Variants in GALM observed in about 807,000 individuals in gnomAD.
GALM encodes aldose 1-epimerase.
A neutral mutation model predicts 37.4 loss-of-function variants in GALM; 43 were observed. The observed-to-expected ratio is 1.15, with a 90% CI of 0.90 to 1.48. The LOEUF (loss-of-function observed/expected upper bound fraction) is 1.48. Ranked by LOEUF, GALM falls within the 40% of genes most tolerant of loss-of-function variation. GALM has a pLI of 0.00. For missense variants in GALM, 456 were observed against 419.1 expected, an observed-to-expected ratio of 1.09 and a Z score of -0.77; for synonymous variants, 199 against 170.6, an observed-to-expected ratio of 1.17 and a Z score of -1.30.
At chr2:38,720,045 A>T (rs117303257) in intron 4 of GALM, among the ~76,000 whole-genome samples, 1,652 of 151,692 alleles carry the variant, frequency 0.011, 39 homozygotes, top group East Asian at 0.076. Context: ...CTACTAAAAA[A>T]AATAATAATA....
chr2:38,692,245 C>A (rs1572522877), intron 4 of GALM, among the ~76,000 whole-genome samples: 1 of 152,168 alleles, frequency 6.6e-6, no homozygotes, highest in South Asian at 2.1e-4. Context: ...GTATTGTTTT[C>A]TCTTTTCTCA....
intron 4 of GALM, among the ~76,000 whole-genome samples, chr2:38,721,456 A>G (rs1334999745): frequency 6.6e-6 from 1 of 152,036 alleles, no homozygotes; most frequent in Admixed American, 6.6e-5. Context: ...CTGTCACTCT[A>G]ACATCACTCT....
At chr2:38,681,528 G>C in intron 3 of GALM, 42 bp downstream of exon 3, 4 of 1,504,818 alleles carry the variant, frequency 2.7e-6, no homozygotes, top group Non-Finnish European at 3.7e-6. Flanking sequence ...GTGCTTTGTG[G>C]AATGTCCTGG....
At chr2:38,685,774 G>C (rs1335065659) in intron 3 of GALM, among the ~76,000 whole-genome samples, 1 of 152,040 alleles carries the variant, frequency 6.6e-6, no homozygotes, top group African/African-American at 2.4e-5. Flanking sequence ...CTGGAGTGCA[G>C]TGGCGCAATC....
At chr2:38,724,263 AT>A (rs1189642541) in intron 4 of GALM, among the ~76,000 whole-genome samples, 2 of 152,166 alleles carry the variant, frequency 1.3e-5, no homozygotes, top group Non-Finnish European at 2.9e-5. Context: ...TCATCTCTAT[AT>A]TTTATTTGAC....
intron 4 of GALM, among the ~76,000 whole-genome samples, chr2:38,712,248 AG>A (rs1411617965): frequency 1.3e-5 from 2 of 152,164 alleles, no homozygotes; most frequent in Non-Finnish European, 2.9e-5. Context: ...ATCTTCACCT[AG>A]TCATACACAA....
At position 38,696,185 on chromosome 2, in the gene GALM, T is replaced by A. The variant is rs557179028; in HGVS notation, c.634+6291T>A. 1.1e-4 allele frequency among the ~76,000 whole-genome samples: 16 copies of A among 151,512 alleles called. No homozygotes were observed. The South Asian group carries it at 3.1e-3, about 30-fold the overall frequency. On this transcript the variant is annotated intron_variant, in intron 4 of 6. Coordinates refer to ENST00000272252, the MANE Select transcript of GALM (RefSeq NM_138801.3). ...CCCAGGCTGGAGTGCAATGGCGTGA[T>A]CTCAGCTCACTGCAACCTCCACCTC...
intron 1 of GALM, among the ~76,000 whole-genome samples, chr2:38,673,327 A>G (rs1026677064): frequency 9.2e-5 from 14 of 152,238 alleles, no homozygotes; most frequent in Admixed American, 8.5e-4. Context: ...TTCAGAGGAC[A>G]TCTAAGTGAA....
rs796150100 is a variant in GALM at position 38,675,518 on chromosome 2, G to GGTTTT, written c.191-394_191-393insGTTTT. Among the ~76,000 whole-genome samples the GGTTTT allele has an allele frequency of 1.0e-4, 11 of 104,974 alleles. 1 individual carries two copies. Among genetic ancestry groups the GGTTTT allele is most frequent in the African/African-American group, 5.0e-4 (11 of 22,196 alleles). The allele number at this position is 104,974 out of a possible 152,430, so 68.9% of individuals were successfully genotyped here. The stretch of plus-strand genomic sequence containing the variant: ...CATGCAACACACCTTTGGATTGAGG[G>GGTTTT]TTTTTTTGTTTTTTTTTTTTTTTTT... On this transcript the variant is annotated intron_variant, in intron 1 of 6. Coordinates refer to ENST00000272252, the MANE Select transcript of GALM (RefSeq NM_138801.3).
intron 4 of GALM, among the ~76,000 whole-genome samples, chr2:38,714,220 G>T (rs555982823): frequency 1.3e-5 from 2 of 151,752 alleles, no homozygotes; most frequent in African/African-American, 4.8e-5. Flanking sequence ...TTGCGGGGGG[G>T]TTGTTGTTTT....
At chr2:38,711,759 C>A (rs1231736794) in intron 4 of GALM, among the ~76,000 whole-genome samples, 5 of 150,124 alleles carry the variant, frequency 3.3e-5, no homozygotes, top group Admixed American at 1.3e-4. Context: ...CCATCACTAT[C>A]ACCACCATTA....
intron 4 of GALM, among the ~76,000 whole-genome samples, chr2:38,717,165 G>A (rs764121039): frequency 3.3e-5 from 5 of 151,856 alleles, no homozygotes; most frequent in Non-Finnish European, 5.9e-5. Flanking sequence ...CAGGAGAATC[G>A]TTTGAACCTG....
chr2:38,720,470 G>A (rs1666354971), intron 4 of GALM, among the ~76,000 whole-genome samples: 1 of 150,656 alleles, frequency 6.6e-6, no homozygotes, highest in South Asian at 2.1e-4. Context: ...AGGAGCCAGG[G>A]AGGAAAATTA....
chr2:38,719,468 CAA>C lies in GALM; in HGVS notation c.635-10075_635-10074del, dbSNP rs35387905. 1.0e-3 allele frequency among the ~76,000 whole-genome samples: 143 copies of C among 140,434 alleles called. 2 individuals carry two copies. The highest frequency in any genetic ancestry group is 1.6e-3 in the East Asian group (7 of 4,500). 92.1% of individuals were successfully genotyped at this position (140,434 alleles called of 152,430 possible). On this transcript the variant is annotated intron_variant, in intron 4 of 6. Transcript: ENST00000272252. ...TAGGCAACAAAATGAGACTTTGTCT[CAA>C]AAAAAAAAAAAATTAGGATCCTGGC...
At chr2:38,689,529 T>C (rs567665583) in intron 3 of GALM, among the ~76,000 whole-genome samples, 26 of 152,306 alleles carry the variant, frequency 1.7e-4, no homozygotes, top group Middle Eastern at 6.8e-3. Context: ...TAAGCCAAGG[T>C]CCAAAAGGCT....
At chr2:38,711,960 C>T (rs1666183605) in intron 4 of GALM, among the ~76,000 whole-genome samples, 1 of 151,708 alleles carries the variant, frequency 6.6e-6, no homozygotes, top group Admixed American at 6.6e-5. Context: ...TGTTGTTATC[C>T]CAGTTTTACA....
intron 4 of GALM, among the ~76,000 whole-genome samples, chr2:38,706,239 G>A (rs1364940923): frequency 1.3e-5 from 2 of 151,436 alleles, no homozygotes; most frequent in Non-Finnish European, 3.0e-5. Context: ...TCCTGACCTC[G>A]TGATCCACCC....
At chr2:38,722,029 T>TCCCC (rs1558596017) in intron 4 of GALM, among the ~76,000 whole-genome samples, 1 of 18,676 alleles carries the variant, frequency 5.4e-5, no homozygotes. Context: ...ATGCCTTCCC[T>TCCCC]TCCCCCCCCC....
intron 4 of GALM, among the ~76,000 whole-genome samples, chr2:38,701,266 G>T (rs1665909759): frequency 6.6e-6 from 1 of 152,126 alleles, no homozygotes; most frequent in Admixed American, 6.5e-5. Context: ...AGCCTGCCCA[G>T]CAAGACATTA....
Sources: allele counts gnomAD v4.1 joint callset (sites outside exome capture counted in the v4.1 genomes callset), GRCh38; gene constraint gnomAD v4.1.1; transcripts MANE v1.5; gene names NCBI Gene and HGNC (gene_info 2026-07-23, HGNC 2026-07-21).